GTF2F2: variants seen among roughly 807,000 people sequenced by gnomAD.
The protein encoded by GTF2F2 is ATP-dependent helicase GTF2F2.
A neutral mutation model predicts 42.2 loss-of-function variants in GTF2F2; 23 were observed. That is an observed-to-expected ratio of 0.55 (90% CI 0.39 to 0.77). The LOEUF is 0.77. GTF2F2 is among the 30% of genes least tolerant of loss of function. The pLI is 0.00. For missense variants in GTF2F2, 261 were observed against 287.2 expected, an observed-to-expected ratio of 0.91 and a Z score of 0.66; for synonymous variants, 105 against 100.8, an observed-to-expected ratio of 1.04 and a Z score of -0.25.
At chr13:45,269,679 T>C (rs1876710480) in intron 7 of GTF2F2, among the ~76,000 whole-genome samples, 1 of 152,208 alleles carries the variant, frequency 6.6e-6, no homozygotes, top group Admixed American at 6.5e-5. Context: ...GAGATCCTAG[T>C]TCAAGTCCCA....
intron 3 of GTF2F2, 112 bp from the exon 4 acceptor site, chr13:45,151,575 A>G (rs1297074919): frequency 1.6e-6 from 1 of 638,750 alleles, no homozygotes; most frequent in Non-Finnish European, 2.6e-6. Flanking sequence ...AAAGTGTTTA[A>G]TGAAATGACT....
chr13:45,153,379 C>T (rs1018633549), intron 4 of GTF2F2, among the ~76,000 whole-genome samples: 1 of 151,734 alleles, frequency 6.6e-6, no homozygotes, highest in Non-Finnish European at 1.5e-5. Context: ...AAAAATTATT[C>T]TTTTTTTTCT....
chr13:45,159,713 A>G (rs1870943671), intron 4 of GTF2F2, among the ~76,000 whole-genome samples: 2 of 152,210 alleles, frequency 1.3e-5, no homozygotes, highest in Non-Finnish European at 2.9e-5. Context: ...ACCTCAGGTA[A>G]TCTGCCCGCC....
chr13:45,123,031 G>T (rs567448600), intron 1 of GTF2F2: 1 of 152,036 alleles, frequency 6.6e-6, no homozygotes, highest in Admixed American at 6.6e-5. Context: ...AGTCAAGATT[G>T]TGCCACTGCA....
intron 4 of GTF2F2, among the ~76,000 whole-genome samples, chr13:45,196,792 T>C (rs1459599187): frequency 6.6e-6 from 1 of 152,176 alleles, no homozygotes; most frequent in Admixed American, 6.5e-5. Flanking sequence ...GCCCCAATGC[T>C]GTTGCTGTTG....
intron 2 of GTF2F2, among the ~76,000 whole-genome samples, chr13:45,137,154 C>T (rs1027186929): frequency 6.6e-5 from 10 of 152,192 alleles, no homozygotes; most frequent in African/African-American, 2.4e-4. Flanking sequence ...CTGGATGCAC[C>T]AAGGAAAGTA....
chr13:45,208,863 C>A (rs1048705785), intron 5 of GTF2F2, among the ~76,000 whole-genome samples: 9 of 152,088 alleles, frequency 5.9e-5, no homozygotes, highest in African/African-American at 2.2e-4. Flanking sequence ...GGAAAACAGG[C>A]AGAAGATGTT....
intron 4 of GTF2F2, among the ~76,000 whole-genome samples, chr13:45,178,273 A>C (rs1871980303): frequency 6.6e-6 from 1 of 151,282 alleles, no homozygotes. Flanking sequence ...CTATATACCA[A>C]CTCACTAATG....
chr13:45,145,595 T>C (rs1231502163), intron 2 of GTF2F2, among the ~76,000 whole-genome samples: 1 of 152,222 alleles, frequency 6.6e-6, no homozygotes, highest in African/African-American at 2.4e-5. Context: ...CACTAATATA[T>C]CCAGTTCCAA....
At chr13:45,193,639 T>C (rs1872743430) in intron 4 of GTF2F2, 4 of 671,412 alleles carry the variant, frequency 6.0e-6, no homozygotes, top group Non-Finnish European at 1.0e-5. Flanking sequence ...GCGATAGAAT[T>C]TACATACCGT....
intron 5 of GTF2F2, among the ~76,000 whole-genome samples, chr13:45,249,796 G>A (rs1331123279): frequency 6.6e-6 from 1 of 151,970 alleles, no homozygotes; most frequent in Non-Finnish European, 1.5e-5. Context: ...AAACCCCTGA[G>A]AGCTGATTGC....
At chr13:45,138,897 T>G (rs1474310554) in intron 2 of GTF2F2, among the ~76,000 whole-genome samples, 1 of 152,190 alleles carries the variant, frequency 6.6e-6, no homozygotes. Context: ...CCACCTGCTT[T>G]GGCCTCCTAA....
intron 1 of GTF2F2, among the ~76,000 whole-genome samples, chr13:45,135,486 A>T (rs1010289358): frequency 1.3e-5 from 2 of 148,982 alleles, no homozygotes; most frequent in African/African-American, 5.0e-5. Context: ...TCTTGAACTC[A>T]TGACCTCGTG....
chr13:45,249,405 A>ATG (rs1875782014), intron 5 of GTF2F2, among the ~76,000 whole-genome samples: 1 of 152,096 alleles, frequency 6.6e-6, no homozygotes, highest in Non-Finnish European at 1.5e-5. Flanking sequence ...GTTTTCCTTT[A>ATG]TGTAAAAGGT....
At chr13:45,216,079 A>AAG (rs1473529696) in intron 5 of GTF2F2, among the ~76,000 whole-genome samples, 2 of 151,868 alleles carry the variant, frequency 1.3e-5, no homozygotes, top group African/African-American at 4.8e-5. Flanking sequence ...CATCCCTACA[A>AAG]CAACAACAAC....
intron 1 of GTF2F2, among the ~76,000 whole-genome samples, chr13:45,122,878 T>C (rs1485959643): frequency 6.6e-6 from 1 of 152,168 alleles, no homozygotes; most frequent in Non-Finnish European, 1.5e-5. Flanking sequence ...TAGACAGGTA[T>C]AGAACTGTGT....
chr13:45,200,921 G>A (rs745388820), intron 4 of GTF2F2, among the ~76,000 whole-genome samples: 13 of 152,132 alleles, frequency 8.5e-5, no homozygotes, highest in Admixed American at 2.6e-4. Flanking sequence ...GAGTAACTTC[G>A]AGGTCTGGAG....
intron 6 of GTF2F2, among the ~76,000 whole-genome samples, chr13:45,255,365 T>A (rs1430358585): frequency 6.6e-6 from 1 of 152,184 alleles, no homozygotes; most frequent in Non-Finnish European, 1.5e-5. Flanking sequence ...TTAGAGACTG[T>A]GTGAACTGGA....
chr13:45,236,489 AT>A (rs1874988822), intron 5 of GTF2F2, among the ~76,000 whole-genome samples: 2 of 121,798 alleles, frequency 1.6e-5, no homozygotes, highest in African/African-American at 8.4e-5. Context: ...CCCGCCACAC[AT>A]ACACACACAC....
Sources: gnomAD v4.1 joint callset for allele counts (sites outside exome capture counted in the v4.1 genomes callset) on GRCh38, gnomAD v4.1.1 for gene constraint, MANE v1.5 for transcripts, NCBI Gene and HGNC (gene_info 2026-07-23, HGNC 2026-07-21) for gene names.